CSNK1G2: variants seen among roughly 807,000 people sequenced by gnomAD.
CSNK1G2 encodes casein kinase 1 gamma 2.
In CSNK1G2, 11 loss-of-function variants were observed where a neutral mutation model predicts 48.0. The observed-to-expected ratio is 0.23, with a 90% CI of 0.14 to 0.38. The LOEUF (loss-of-function observed/expected upper bound fraction) is 0.38. Among genes scored for constraint, CSNK1G2 ranks in the 10% least tolerant of loss-of-function variants. The pLI is 1.00. For synonymous variants in CSNK1G2, 337 were observed against 254.1 expected (o/e 1.33, Z -3.10); for missense variants, 446 against 595.5 (o/e 0.75, Z 2.61).
In CSNK1G2 at chr19:1,978,242, G is replaced by A; in HGVS notation, c.188-63G>A. 6.3e-7 allele frequency: 1 copy of A among 1,578,008 alleles called. No individual in the cohort carries two copies. Among genetic ancestry groups the A allele is most frequent in the Non-Finnish European group, 8.7e-7 (1 of 1,150,000 alleles). Reference sequence around the variant, plus strand: ...CTCCTGCCTCCTGCCTCGGGGGTGGGCTGGGGAGGTCGGGGCTAGGTGGGC... The same window carrying A: ...CTCCTGCCTCCTGCCTCGGGGGTGGACTGGGGAGGTCGGGGCTAGGTGGGC... On this transcript the variant is annotated intron_variant, in intron 2 of 11. Coordinates refer to ENST00000255641, the MANE Select transcript of CSNK1G2 (RefSeq NM_001319.7). The surrounding 1 kb of genome is among the most constrained non-coding windows in gnomAD (Gnocchi z 7.3).
At chr19:1,963,163 G>T (rs924568579) in intron 1 of CSNK1G2, among the ~76,000 whole-genome samples, 1 of 152,016 alleles carries the variant, frequency 6.6e-6, no homozygotes, top group African/African-American at 2.4e-5. Flanking sequence ...AGGGAGTAAC[G>T]TGGTGGTTTA....
chr19:1,979,445 C>G (rs753889632), intron 8 of CSNK1G2, 42 bp downstream of exon 8: 1 of 1,035,588 alleles, frequency 9.7e-7, no homozygotes, highest in Non-Finnish European at 1.4e-6. Context: ...CCCCACCCCC[C>G]ACCCCCCACC....
chr19:1,944,708 A>C (rs1245547938), intron 1 of CSNK1G2, among the ~76,000 whole-genome samples: 1 of 140,988 alleles, frequency 7.1e-6, no homozygotes, highest in African/African-American at 2.7e-5. Flanking sequence ...GGGGGGGGGT[A>C]CCCCTTTGTG....
At chr19:1,947,640 G>A (rs779381250) in intron 1 of CSNK1G2, among the ~76,000 whole-genome samples, 12 of 152,212 alleles carry the variant, frequency 7.9e-5, no homozygotes, top group Non-Finnish European at 1.6e-4. Context: ...GGGTGGGTGC[G>A]CCGAGGGGGA....
At chr19:1,951,391 A>T (rs976194854) in intron 1 of CSNK1G2, among the ~76,000 whole-genome samples, 5 of 142,966 alleles carry the variant, frequency 3.5e-5, no homozygotes, top group African/African-American at 1.4e-4. Flanking sequence ...CGACAGAGTG[A>T]GACTCCGTCT....
intron 1 of CSNK1G2, among the ~76,000 whole-genome samples, chr19:1,967,565 C>T (rs983943030): frequency 1.3e-5 from 2 of 152,070 alleles, no homozygotes; most frequent in East Asian, 1.9e-4. Flanking sequence ...GCCTCCTGGG[C>T]GGGTACCTGG....
At chr19:1,953,671 G>A (rs971138120) in intron 1 of CSNK1G2, among the ~76,000 whole-genome samples, 1 of 152,046 alleles carries the variant, frequency 6.6e-6, no homozygotes. Flanking sequence ...GCCATCACCA[G>A]GGCGAGGCTG....
At chr19:1,951,647 G>A (rs1173590625) in intron 1 of CSNK1G2, among the ~76,000 whole-genome samples, 3 of 141,936 alleles carry the variant, frequency 2.1e-5, no homozygotes, top group Non-Finnish European at 3.0e-5. Context: ...GCGGGAGGAA[G>A]CGGTGAGAGT....
chr19:1,941,671 C>G (rs909415171), intron 1 of CSNK1G2, among the ~76,000 whole-genome samples: 1 of 150,732 alleles, frequency 6.6e-6, no homozygotes, highest in Non-Finnish European at 1.5e-5. Flanking sequence ...CCCCACCGCC[C>G]TAACCCGCGC....
In CSNK1G2 at chr19:1,979,484, T is replaced by C; in HGVS notation, c.854-11T>C. ...ACCCCCGCCGAGGCCCCGCTGGCGC[T>C]CTCTCTGCAGAGGAGATGGCCACGT... On this transcript the variant is annotated splice_polypyrimidine_tract_variant and intron_variant, in intron 8 of 11. Transcript: ENST00000255641. 1 of 1,342,196 alleles carries C rather than the reference T, an allele frequency of 7.5e-7. No individual in the cohort carries two copies. The highest frequency in any genetic ancestry group is 9.8e-7 in the Non-Finnish European group (1 of 1,021,978). The allele number at this position is 1,342,196 out of a possible 1,614,324, so 83.1% of individuals were successfully genotyped here.
intron 1 of CSNK1G2, among the ~76,000 whole-genome samples, chr19:1,946,094 C>A (rs1242607105): frequency 1.3e-5 from 2 of 152,014 alleles, no homozygotes; most frequent in Non-Finnish European, 2.9e-5. Flanking sequence ...AAGTGCATCC[C>A]GTGGCCTATC....
chr19:1,943,876 C>G (rs2014457487), intron 1 of CSNK1G2, among the ~76,000 whole-genome samples: 1 of 152,226 alleles, frequency 6.6e-6, no homozygotes, highest in African/African-American at 2.4e-5. Context: ...TTGACCGAGG[C>G]CTGGCGGAGG....
chr19:1,976,248 C>T (rs147581331), intron 2 of CSNK1G2: 19 of 533,254 alleles, frequency 3.6e-5, no homozygotes, highest in African/African-American at 3.2e-4. Context: ...TCTGAAAACG[C>T]GGGGACCAGC....
At chr19:1,974,616 T>G (rs2015690032) in intron 2 of CSNK1G2, 1 of 152,214 alleles carries the variant, frequency 6.6e-6, no homozygotes, top group Non-Finnish European at 1.5e-5. Flanking sequence ...GTGTGTGCCG[T>G]GAGGTGTGGA....
chr19:1,960,283 G>A (rs114867539), intron 1 of CSNK1G2, among the ~76,000 whole-genome samples: 2,547 of 152,300 alleles, frequency 0.017, 79 homozygotes, highest in African/African-American at 0.058. Context: ...CTCCCTACCC[G>A]GCTTCTGCAC....
intron 1 of CSNK1G2, among the ~76,000 whole-genome samples, chr19:1,963,195 A>G (rs993130496): frequency 5.3e-5 from 8 of 152,142 alleles, no homozygotes; most frequent in African/African-American, 1.9e-4. Flanking sequence ...TCATGAAAAT[A>G]AAATATACAG....
intron 1 of CSNK1G2, among the ~76,000 whole-genome samples, chr19:1,963,960 G>A (rs1187807400): frequency 6.6e-6 from 1 of 151,112 alleles, no homozygotes; most frequent in East Asian, 2.0e-4. Context: ...GGGATTACAG[G>A]CACCCGCCAC....
intron 1 of CSNK1G2, among the ~76,000 whole-genome samples, chr19:1,967,482 G>A (rs1290486351): frequency 6.6e-6 from 1 of 151,582 alleles, no homozygotes; most frequent in Admixed American, 6.6e-5. Flanking sequence ...GCTGGGGCCT[G>A]GGTCAGGGAG....
At position 1,948,826 on chromosome 19, in the gene CSNK1G2, G is replaced by C. The variant is rs538389385; in HGVS notation, c.-266+7408G>C. ...CTGCTGGTGACCAGAGGCCTCGGGA[G>C]GACACGTGGTCCGCGCACACATACC... On this transcript the variant is annotated intron_variant, in intron 1 of 11. Coordinates refer to ENST00000255641, the MANE Select transcript of CSNK1G2 (RefSeq NM_001319.7). 3.0e-3 allele frequency among the ~76,000 whole-genome samples: 464 copies of C among 152,366 alleles called. 4 individuals carry two copies. The highest frequency in any genetic ancestry group is 0.01 in the African/African-American group (436 of 41,582).
Sources: gnomAD v4.1 joint callset for allele counts (sites outside exome capture counted in the v4.1 genomes callset) on GRCh38, gnomAD v4.1.1 for gene constraint, Gnocchi (gnomAD v3.1) non-coding constraint, MANE v1.5 for transcripts, NCBI Gene and HGNC (gene_info 2026-07-23, HGNC 2026-07-21) for gene names.